Variants in LYST observed in about 807,000 individuals in gnomAD.
The protein encoded by LYST is lysosomal trafficking regulator.
Under a neutral mutation model 413.6 loss-of-function variants are expected in LYST, and 192 were observed. The observed-to-expected ratio is 0.46, with a 90% CI of 0.41 to 0.52. The LOEUF is 0.52. Among genes scored for constraint, LYST ranks in the 20% least tolerant of loss-of-function variants. The pLI, the probability that LYST is intolerant of heterozygous loss-of-function variation, is 0.00. For synonymous variants in LYST, 1,525 were observed against 1,567.3 expected (o/e 0.97, Z 0.64); for missense variants, 3,815 against 4,499.9 (o/e 0.85, Z 4.35).
chr1:235,861,770 G>A (rs1679909489), intron 1 of LYST, among the ~76,000 whole-genome samples: 1 of 152,144 alleles, frequency 6.6e-6, no homozygotes, highest in Non-Finnish European at 1.5e-5. Context: ...GGGACTATAG[G>A]CACAAGCCAT....
At chr1:235,844,942 A>T (rs534336592) in intron 1 of LYST, among the ~76,000 whole-genome samples, 20 of 152,278 alleles carry the variant, frequency 1.3e-4, no homozygotes, top group Non-Finnish European at 2.6e-4. Context: ...TAACCATCAG[A>T]ATGATTCCTA....
At chr1:235,883,472 C>A (rs900172592) in exon 1 of LYST, 1 of 152,674 alleles carries the variant, frequency 6.5e-6, no homozygotes, top group Non-Finnish European at 1.5e-5. Flanking sequence ...GACACGGGAA[C>A]AGATGGTGAA....
intron 42 of LYST, among the ~76,000 whole-genome samples, chr1:235,713,536 C>A (rs1662579199): frequency 6.6e-6 from 1 of 152,356 alleles, no homozygotes; most frequent in South Asian, 2.1e-4. Flanking sequence ...TGGTTCTCAA[C>A]CAGTAGCACT....
chr1:235,838,300 T>C (rs1416654105), intron 1 of LYST, among the ~76,000 whole-genome samples: 5 of 152,162 alleles, frequency 3.3e-5, no homozygotes, highest in Non-Finnish European at 5.9e-5. Context: ...AGTTCCATTG[T>C]TCAATAACTA....
chr1:235,816,470 T>TA (rs199654567), intron 3 of LYST, among the ~76,000 whole-genome samples: 61,907 of 138,312 alleles, frequency 0.45, 14,782 homozygotes, highest in African/African-American at 0.64. Flanking sequence ...AAAATAAAAA[T>TA]AAAAAAAAAA....
At chr1:235,787,444 GT>G (rs1670541585) in intron 13 of LYST, 71 bp from the exon 14 acceptor site, 4 of 1,170,760 alleles carry the variant, frequency 3.4e-6, no homozygotes, top group Non-Finnish European at 5.1e-6. Flanking sequence ...CATACATATA[GT>G]AACTATAATT....
At chr1:235,805,198 GC>G (rs1404938155) in intron 6 of LYST, among the ~76,000 whole-genome samples, 1 of 152,194 alleles carries the variant, frequency 6.6e-6, no homozygotes, top group African/African-American at 2.4e-5. Context: ...GTGAGGTAAA[GC>G]AGAAGAGGTT....
At chr1:235,808,368 T>G in intron 5 of LYST, 87 bp downstream of exon 5, 1 of 1,259,198 alleles carries the variant, frequency 7.9e-7, no homozygotes, top group East Asian at 2.4e-5. Context: ...TGCATACAAT[T>G]TATCACTCAC....
At chr1:235,817,199 T>C (rs769641901) in intron 3 of LYST, among the ~76,000 whole-genome samples, 48 of 151,636 alleles carry the variant, frequency 3.2e-4, no homozygotes, top group Non-Finnish European at 5.3e-4. Context: ...AGGATGGCTA[T>C]TAAAAATGAA....
chr1:235,801,517 T>G (rs1462991317), intron 8 of LYST, among the ~76,000 whole-genome samples: 1 of 152,208 alleles, frequency 6.6e-6, no homozygotes. Context: ...TGATCAATTT[T>G]GCCTTCTTCA....
At chr1:235,698,223 T>C (rs181954114) in intron 45 of LYST, among the ~76,000 whole-genome samples, 162 of 152,240 alleles carry the variant, frequency 1.1e-3, no homozygotes, top group South Asian at 7.7e-3. Context: ...AAAATAAAAA[T>C]AATATATTAA....
intron 3 of LYST, among the ~76,000 whole-genome samples, chr1:235,818,924 C>A (rs1230267670): frequency 1.3e-5 from 2 of 152,232 alleles, no homozygotes; most frequent in Admixed American, 1.3e-4. Flanking sequence ...ACCTTCAAGG[C>A]TCAGACCCAG....
At chr1:235,695,140 G>A (rs140301542) in intron 46 of LYST, among the ~76,000 whole-genome samples, 175 of 152,314 alleles carry the variant, frequency 1.1e-3, no homozygotes, top group Middle Eastern at 3.4e-3. Flanking sequence ...GTATTTACAG[G>A]CCAATAAGCA....
chr1:235,687,682 C>T (rs570037351), intron 47 of LYST, among the ~76,000 whole-genome samples: 45 of 152,190 alleles, frequency 3.0e-4, no homozygotes, highest in East Asian at 9.7e-4. Context: ...GCACCATGTC[C>T]GCAGCAACTG....
rs1672071593 is a variant in LYST, at chr1:235,800,329, C to A, written c.3997G>T (p.Asp1333Tyr). ...FLSILTQDDS[D>Y]FQACQRVLVD... ...AACAGTTTCAACTTACCTTGAAAAT[C>A]AGAATCATCCTGTGTTAAAATACTC... Residue 1333 changes from aspartate (D) to tyrosine (Y), a missense_variant, in exon 10 of 53, where the codon GAT becomes TAT. Asp to Tyr is a radical substitution (Grantham distance 160). This residue lies in a region of LYST where 1,648 missense variants were observed against 1,810.3 expected (regional missense o/e 0.91). Coordinates refer to ENST00000389793, the MANE Select transcript of LYST (RefSeq NM_000081.4). 6.3e-7 allele frequency: 1 copy of A among 1,581,554 alleles called. No homozygotes were observed. The highest frequency in any genetic ancestry group is 8.7e-7 in the Non-Finnish European group (1 of 1,150,928).
Position 235,757,280 on chromosome 1 carries a change from C to T in LYST, c.7059+1G>A. The T allele has an allele frequency of 6.2e-7, 1 of 1,609,420 alleles. No homozygotes were observed. The highest frequency in any genetic ancestry group is 8.5e-7 in the Non-Finnish European group (1 of 1,176,384). Reference sequence around the variant, plus strand: ...ATAACATATCTAGTATTTGCCCTTACTTTAATAACACCTTGTTGTATAGCT... The same window carrying T: ...ATAACATATCTAGTATTTGCCCTTATTTTAATAACACCTTGTTGTATAGCT... On this transcript the variant is annotated splice_donor_variant, in intron 24 of 52. Coordinates refer to ENST00000389793, the MANE Select transcript of LYST (RefSeq NM_000081.4). LOFTEE classifies it high-confidence loss of function.
intron 39 of LYST, among the ~76,000 whole-genome samples, chr1:235,723,431 C>T (rs577983741): frequency 3.3e-5 from 5 of 152,116 alleles, no homozygotes; most frequent in South Asian, 4.2e-4. Context: ...ACCAAGGAGG[C>T]GTCTGCAACC....
Position 235,757,453 on chromosome 1 carries a change from G to C in LYST, c.6887C>G (p.Thr2296Ser), listed in dbSNP as rs983758025. The C allele has an allele frequency of 1.2e-6, 2 of 1,612,924 alleles. No homozygotes were observed. Among genetic ancestry groups the C allele is most frequent in the Non-Finnish European group, 1.7e-6 (2 of 1,179,236 alleles). The stretch of plus-strand genomic sequence containing the variant: ...GCATATAGGTACCAAACAGTCTTCA[G>C]TTACACTAAAACAGAGACCAAAAAA... ...YNRTASAHSV[T>S]EDCLVPICCG... Residue 2296 changes from threonine to serine, a missense_variant, in exon 24 of 53, where the codon ACT (threonine) becomes AGT (serine). This residue lies in a region of LYST where 771 missense variants were observed against 837.1 expected (regional missense o/e 0.92). Transcript: ENST00000389793.
chr1:235,730,796 TAA>T, intron 36 of LYST, 49 bp downstream of exon 36: 1 of 1,072,968 alleles, frequency 9.3e-7, no homozygotes, highest in East Asian at 2.4e-5. Context: ...AACACTACAA[TAA>T]GCTGTTGTAT....
Sources: allele counts gnomAD v4.1 joint callset (sites outside exome capture counted in the v4.1 genomes callset), GRCh38; gene constraint gnomAD v4.1.1; regional missense constraint gnomAD v4.1.1; transcripts MANE v1.5; gene names NCBI Gene and HGNC (gene_info 2026-07-23, HGNC 2026-07-21).